The following SDK1 variants were observed in gnomAD, a reference collection of about 807,000 sequenced individuals.
SDK1 encodes sidekick cell adhesion molecule 1.
In SDK1, 157 loss-of-function variants were observed where a neutral mutation model predicts 245.5. The ratio of observed to expected loss-of-function variants is 0.64; its 90% CI spans 0.56 to 0.73. The LOEUF (loss-of-function observed/expected upper bound fraction) is 0.73. SDK1 is among the 30% of genes least tolerant of loss of function. The pLI, the probability that SDK1 is intolerant of heterozygous loss-of-function variation, is 0.00. For missense variants in SDK1, 3,583 were observed against 3,002.3 expected, an observed-to-expected ratio of 1.19 and a Z score of -4.52; for synonymous variants, 1,647 against 1,278.5, an observed-to-expected ratio of 1.29 and a Z score of -6.15.
chr7:3,877,565 G>T (rs1051785905), intron 5 of SDK1, among the ~76,000 whole-genome samples: 3 of 152,012 alleles, frequency 2.0e-5, no homozygotes, highest in African/African-American at 7.3e-5. Flanking sequence ...ATCTTTAGAT[G>T]GTTTATCCCT....
chr7:3,996,584 C>G (rs1784712348), intron 14 of SDK1, among the ~76,000 whole-genome samples: 1 of 152,128 alleles, frequency 6.6e-6, no homozygotes, highest in African/African-American at 2.4e-5. Flanking sequence ...CAAGGTTGTC[C>G]TGAGATTTTG....
chr7:3,766,266 C>G (rs1267397132), intron 4 of SDK1, among the ~76,000 whole-genome samples: 1 of 152,172 alleles, frequency 6.6e-6, no homozygotes, highest in African/African-American at 2.4e-5. Context: ...TTTTCTCAGT[C>G]TTAACACTTT....
intron 41 of SDK1, among the ~76,000 whole-genome samples, chr7:4,234,235 G>C (rs961164227): frequency 1.3e-5 from 2 of 152,166 alleles, no homozygotes; most frequent in Non-Finnish European, 2.9e-5. Context: ...AGGTACTGCC[G>C]ATCCCAGGCT....
At chr7:3,887,876 G>GAATTT (rs1781373871) in intron 5 of SDK1, among the ~76,000 whole-genome samples, 1 of 152,132 alleles carries the variant, frequency 6.6e-6, no homozygotes, top group South Asian at 2.1e-4. Context: ...TTCCGCCTTA[G>GAATTT]CAACTGACGT....
chr7:3,865,008 C>G (rs1487086908), intron 5 of SDK1, among the ~76,000 whole-genome samples: 1 of 152,198 alleles, frequency 6.6e-6, no homozygotes, highest in Non-Finnish European at 1.5e-5. Context: ...TAACTCTGAG[C>G]ACATTTCCTA....
At chr7:4,145,424 G>A (rs530787216) in intron 28 of SDK1, among the ~76,000 whole-genome samples, 420 of 152,108 alleles carry the variant, frequency 2.8e-3, no homozygotes, top group Non-Finnish European at 5.3e-3. Context: ...GAGCAGGGAG[G>A]GACTGGGTCC....
intron 26 of SDK1, 29 bp downstream of exon 26, chr7:4,127,525 G>A: frequency 2.0e-6 from 3 of 1,530,654 alleles, no homozygotes; most frequent in Non-Finnish European, 1.8e-6. Flanking sequence ...ACCTCCCTTT[G>A]CTTAAAGAGT....
In SDK1 at chr7:4,065,060, T is replaced by C. The variant is rs547963886; in HGVS notation, c.2912-2778T>C. Among the ~76,000 whole-genome samples, 10 of 152,136 alleles carry C rather than the reference T, an allele frequency of 6.6e-5. No individual in the cohort carries two copies. In the South Asian group the frequency reaches 1.9e-3, roughly 28 times the overall value. On this transcript the variant is annotated intron_variant, in intron 19 of 44. Transcript: ENST00000404826. ...TTCAAAATACCAAGGAAAGAGGATT[T>C]CGAATGTTCACAACACATAGAAATG...
In SDK1 at chr7:4,177,180, G is replaced by A. The variant is rs895931361; in HGVS notation, c.4997-1305G>A. Among the ~76,000 whole-genome samples, 16 of 152,334 alleles carry A rather than the reference G, an allele frequency of 1.1e-4. No homozygotes were observed. The East Asian group carries it at 1.2e-3, about 11-fold the overall frequency. ...TGTAAGCATCTCTTTGAAGGCAGCC[G>A]TCCAAGGACGGGCGCCTGAGTCACG... On this transcript the variant is annotated intron_variant, in intron 34 of 44. Coordinates refer to ENST00000404826, the MANE Select transcript of SDK1 (RefSeq NM_152744.4).
intron 7 of SDK1, among the ~76,000 whole-genome samples, chr7:3,957,548 G>T (rs1781371722): frequency 1.3e-5 from 2 of 152,104 alleles, no homozygotes. Context: ...TCGAATGTAT[G>T]TTTTTTTCCT....
intron 41 of SDK1, among the ~76,000 whole-genome samples, chr7:4,234,615 G>A (rs1363788054): frequency 6.6e-6 from 1 of 152,172 alleles, no homozygotes; most frequent in South Asian, 2.1e-4. Flanking sequence ...TGGCCCCCCA[G>A]CCCCCCATGT....
chr7:4,144,224 C>T (rs992945407), intron 28 of SDK1, among the ~76,000 whole-genome samples: 1 of 152,142 alleles, frequency 6.6e-6, no homozygotes, highest in African/African-American at 2.4e-5. Context: ...GAACAGGAGT[C>T]TAGCAGGGAC....
At chr7:3,818,466 G>T (rs1218265451) in intron 4 of SDK1, among the ~76,000 whole-genome samples, 5 of 152,174 alleles carry the variant, frequency 3.3e-5, no homozygotes, top group Non-Finnish European at 5.9e-5. Flanking sequence ...AAAGGAAATG[G>T]CCTGTAATTG....
chr7:3,811,962 G>A (rs1466134775), intron 4 of SDK1, among the ~76,000 whole-genome samples: 2 of 152,168 alleles, frequency 1.3e-5, no homozygotes, highest in African/African-American at 4.8e-5. Flanking sequence ...CTGCCTGTGT[G>A]GCGTATCTAC....
chr7:3,411,836 G>C lies in SDK1; in HGVS notation c.298+109952G>C, dbSNP rs1453693388. 3.9e-5 allele frequency among the ~76,000 whole-genome samples: 6 copies of C among 152,190 alleles called. No homozygotes were observed. The South Asian group carries it at 1.0e-3, about 26-fold the overall frequency. On this transcript the variant is annotated intron_variant, in intron 1 of 44. Coordinates refer to ENST00000404826, the MANE Select transcript of SDK1 (RefSeq NM_152744.4). ...TGTTTAATGTCTGTGAGGGCTTGAT[G>C]GGGTTGGGACTTTGTTCACTAGGTA...
At chr7:4,091,484 A>T (rs1781799256) in intron 22 of SDK1, among the ~76,000 whole-genome samples, 1 of 151,792 alleles carries the variant, frequency 6.6e-6, no homozygotes, top group Non-Finnish European at 1.5e-5. Flanking sequence ...CTGGGATGAT[A>T]GGCACGTACC....
At chr7:3,923,909 G>C (rs1014653940) in intron 5 of SDK1, among the ~76,000 whole-genome samples, 5 of 152,282 alleles carry the variant, frequency 3.3e-5, no homozygotes, top group East Asian at 3.9e-4. Context: ...AGGTTGGGCA[G>C]CCTCTCCCTT....
At chr7:4,181,188 G>A (rs556955141) in intron 35 of SDK1, among the ~76,000 whole-genome samples, 5 of 152,204 alleles carry the variant, frequency 3.3e-5, no homozygotes, top group Non-Finnish European at 7.3e-5. Context: ...AAATGGAGTC[G>A]TGCAGTGCTT....
chr7:3,481,244 C>CT (rs1257719492), intron 1 of SDK1, among the ~76,000 whole-genome samples: 1 of 152,182 alleles, frequency 6.6e-6, no homozygotes, highest in Non-Finnish European at 1.5e-5. Flanking sequence ...GCTGAGAAAA[C>CT]TAAGACACAG....
Sources: allele counts gnomAD v4.1 joint callset (sites outside exome capture counted in the v4.1 genomes callset), GRCh38; gene constraint gnomAD v4.1.1; transcripts MANE v1.5; gene names NCBI Gene and HGNC (gene_info 2026-07-23, HGNC 2026-07-21).